VXN: variants seen among roughly 807,000 people sequenced by gnomAD.
VXN encodes uncharacterized protein C8orf46.
VXN carries 7 observed loss-of-function variants against 23.1 expected under a neutral mutation model. The ratio of observed to expected loss-of-function variants is 0.30; its 90% CI spans 0.17 to 0.57. The LOEUF is 0.57. VXN is among the 20% of genes least tolerant of loss of function. The pLI is 0.91. For synonymous variants in VXN, 120 were observed against 105.8 expected, an observed-to-expected ratio of 1.13 and a Z score of -0.83; for missense variants, 238 against 272.6, an observed-to-expected ratio of 0.87 and a Z score of 0.89.
In VXN at chr8:66,510,187, C is replaced by T. The variant is rs148765980; in HGVS notation, c.342+30C>T. On this transcript the variant is annotated intron_variant, in intron 4 of 5. Transcript: ENST00000305454. Reference sequence around the variant, plus strand: ...GTAAAATAAGCCTGCTTAGTTGTATCTGTTGTGCATTAAACTTCTGGTCAT... The same window carrying T: ...GTAAAATAAGCCTGCTTAGTTGTATTTGTTGTGCATTAAACTTCTGGTCAT... 222 of 1,564,842 alleles carry T rather than the reference C, an allele frequency of 1.4e-4. 2 individuals are homozygous for T. The East Asian group carries it at 4.9e-3, about 35-fold the overall frequency.
At chr8:66,504,795 T>C (rs1390738191) in intron 2 of VXN, among the ~76,000 whole-genome samples, 5 of 152,158 alleles carry the variant, frequency 3.3e-5, no homozygotes, top group Non-Finnish European at 7.4e-5. Context: ...CACTGGGAAG[T>C]GGGGACGCGG....
At position 66,517,029 on chromosome 8, in the gene VXN, T is replaced by A. The variant is rs1807905729; in HGVS notation, c.*953T>A. On this transcript the variant is annotated 3_prime_UTR_variant, in exon 6 of 6. Transcript: ENST00000305454. ...GCAACCATTGAAAAGAAGACTCTGA[T>A]ATGTTGGAACAAGTAAGGGATTTGA... 1 of 152,216 alleles carries A rather than the reference T, an allele frequency of 6.6e-6. No homozygotes were observed. Among genetic ancestry groups the A allele is most frequent in the South Asian group, 2.1e-4 (1 of 4,828 alleles). The allele number at this position is 152,216 out of a possible 1,614,324, so 9.4% of individuals were successfully genotyped here.
At position 66,501,482 on chromosome 8, in the gene VXN, T is replaced by C. The variant is rs114882314; in HGVS notation, c.127-3893T>C. On this transcript the variant is annotated intron_variant, in intron 2 of 5. Coordinates refer to ENST00000305454, the MANE Select transcript of VXN (RefSeq NM_152765.4). ...AACTTTCAAGGAGCAATGGGTGAGG[T>C]GTTCTCAAAAATGGAAAGAGAAGGG... 3.9e-3 allele frequency among the ~76,000 whole-genome samples: 591 copies of C among 152,210 alleles called. 6 individuals carry two copies. Among genetic ancestry groups the C allele is most frequent in the African/African-American group, 0.013 (537 of 41,532 alleles).
intron 4 of VXN, among the ~76,000 whole-genome samples, chr8:66,512,642 A>G (rs1265311109): frequency 6.6e-6 from 1 of 152,174 alleles, no homozygotes; most frequent in Admixed American, 6.5e-5. Flanking sequence ...CAAGGGGTCC[A>G]GTCCCAGACC....
intron 5 of VXN, among the ~76,000 whole-genome samples, chr8:66,515,578 G>C (rs922623649): frequency 6.6e-6 from 1 of 152,186 alleles, no homozygotes; most frequent in Non-Finnish European, 1.5e-5. Flanking sequence ...CAGCAAGTTT[G>C]TTCACATAGA....
At chr8:66,505,663 C>T in intron 3 of VXN, 135 bp downstream of exon 3, 1 of 1,111,606 alleles carries the variant, frequency 9.0e-7, no homozygotes, top group Non-Finnish European at 1.2e-6. Flanking sequence ...AGCACCTGTG[C>T]TTTCCCAAGT....
chr8:66,505,925 A>G (rs763660027), intron 3 of VXN, among the ~76,000 whole-genome samples: 2 of 152,124 alleles, frequency 1.3e-5, no homozygotes, highest in Non-Finnish European at 2.9e-5. Flanking sequence ...CTGGGACTAC[A>G]GGTTCACAGC....
chr8:66,499,642 G>A (rs1338450932), intron 2 of VXN, among the ~76,000 whole-genome samples: 7 of 151,822 alleles, frequency 4.6e-5, no homozygotes, highest in Admixed American at 2.6e-4. Context: ...TGCAACCTCC[G>A]TCTCCTGGGT....
chr8:66,501,015 G>C (rs1807685709), intron 2 of VXN, among the ~76,000 whole-genome samples: 1 of 151,880 alleles, frequency 6.6e-6, no homozygotes, highest in Admixed American at 6.6e-5. Context: ...TGGGACTACA[G>C]GTGCCCGCCA....
Position 66,499,747 on chromosome 8 carries a change from C to T in VXN, c.126+3255C>T, listed in dbSNP as rs146013663. On this transcript the variant is annotated intron_variant, in intron 2 of 5. Coordinates refer to ENST00000305454, the MANE Select transcript of VXN (RefSeq NM_152765.4). ...TTTTTTTTAATATTTTTAGTAGAGA[C>T]GGAGTTTCACCATGTTGGCCAGGCT... Among the ~76,000 whole-genome samples the T allele has an allele frequency of 6.8e-3, 1,040 of 151,976 alleles. 3 individuals carry two copies. Among genetic ancestry groups the T allele is most frequent in the African/African-American group, 0.013 (551 of 41,466 alleles).
chr8:66,509,916 C>G (rs1379847843), intron 3 of VXN, among the ~76,000 whole-genome samples, 180 bp from the exon 4 acceptor site: 3 of 152,152 alleles, frequency 2.0e-5, no homozygotes, highest in Non-Finnish European at 4.4e-5. Flanking sequence ...TTCCAGCTCC[C>G]CTAGAAGAGT....
chr8:66,498,128 A>T (rs1319878090), intron 2 of VXN, among the ~76,000 whole-genome samples: 1 of 151,116 alleles, frequency 6.6e-6, no homozygotes, highest in Non-Finnish European at 1.5e-5. Flanking sequence ...AGATTATGCC[A>T]CTGCATTCCA....
Position 66,516,287 on chromosome 8 carries a change from G to T in VXN, c.*211G>T. On this transcript the variant is annotated 3_prime_UTR_variant, in exon 6 of 6. Transcript: ENST00000305454. ...ACTGCCCCTTCTTAGAATTGCTAAA[G>T]CCATTGGTCTGAAAGTGACTTTGGG... 2.5e-6 allele frequency: 1 copy of T among 406,034 alleles called. No homozygotes were observed. Among genetic ancestry groups the T allele is most frequent in the Non-Finnish European group, 4.3e-6 (1 of 232,820 alleles). The allele number at this position is 406,034 out of a possible 1,614,324, so 25.2% of individuals were successfully genotyped here. A position where few individuals can be genotyped will look rare whatever the true frequency, so the allele number is the denominator to read the frequency against.
intron 2 of VXN, among the ~76,000 whole-genome samples, chr8:66,498,267 G>A (rs775139217): frequency 3.3e-5 from 5 of 151,826 alleles, no homozygotes; most frequent in African/African-American, 1.2e-4. Context: ...CAGGGAGTTC[G>A]AGGCTAGAGT....
intron 2 of VXN, 124 bp from the exon 3 acceptor site, chr8:66,505,251 A>C: frequency 7.7e-7 from 1 of 1,291,532 alleles, no homozygotes; most frequent in Non-Finnish European, 1.1e-6. Context: ...AATTCACTGG[A>C]ATCACGAAGG....
intron 4 of VXN, 101 bp downstream of exon 4, chr8:66,510,258 C>A: frequency 2.0e-6 from 2 of 1,002,092 alleles, no homozygotes; most frequent in Non-Finnish European, 1.5e-6. Flanking sequence ...GTTCTTTGTT[C>A]CAGGCCTGAG....
chr8:66,494,700 G>A (rs937662581), intron 1 of VXN: 4 of 152,234 alleles, frequency 2.6e-5, no homozygotes, highest in Non-Finnish European at 4.4e-5. Flanking sequence ...AGGGAAAAGA[G>A]CTGGGAGTCT....
intron 4 of VXN, among the ~76,000 whole-genome samples, chr8:66,512,065 C>CAAAA (rs35689084): frequency 1.5e-4 from 10 of 68,330 alleles, no homozygotes; most frequent in African/African-American, 4.9e-4. Context: ...AACTCAGTTT[C>CAAAA]AAAAAAAAAA....
rs147854635 is a variant in VXN, at chr8:66,515,986, C to T, written c.534C>T (p.Gly178=). The change falls in exon 6 of 6, where the codon GGC becomes GGT. Residue 178 remains glycine (G), a synonymous_variant. Transcript: ENST00000305454. ...SLPLTGSASC[G]VPGILRKMWT... ...CACTGACAGGCAGTGCTTCCTGCGGCGTCCCCGGCATCCTCCGGAAAATGT... is the reference window on the plus strand; with the variant it reads ...CACTGACAGGCAGTGCTTCCTGCGGTGTCCCCGGCATCCTCCGGAAAATGT... 68 of 1,613,808 alleles carry T rather than the reference C, an allele frequency of 4.2e-5. No homozygotes were observed. Among genetic ancestry groups the T allele is most frequent in the South Asian group, 9.9e-5 (9 of 91,078 alleles).
Sources: allele counts gnomAD v4.1 joint callset (sites outside exome capture counted in the v4.1 genomes callset), GRCh38; gene constraint gnomAD v4.1.1; transcripts MANE v1.5; gene names NCBI Gene and HGNC (gene_info 2026-07-23, HGNC 2026-07-21).